The following SLC2A4 variants were observed in gnomAD, a reference collection of about 807,000 sequenced individuals.
The protein encoded by SLC2A4 is solute carrier family 2 member 4.
Under a neutral mutation model 53.3 loss-of-function variants are expected in SLC2A4, and 31 were observed. The ratio of observed to expected loss-of-function variants is 0.58; its 90% CI spans 0.44 to 0.78. SLC2A4 has a LOEUF of 0.78. SLC2A4 is among the 30% of genes least tolerant of loss of function. The pLI, the probability that SLC2A4 is intolerant of heterozygous loss-of-function variation, is 0.00. For synonymous variants in SLC2A4, 276 were observed against 281.9 expected (o/e 0.98, Z 0.21); for missense variants, 538 against 655.7 (o/e 0.82, Z 1.96).
In SLC2A4 at chr17:7,282,956, T is replaced by G; in HGVS notation, c.34-289T>G. The stretch of plus-strand genomic sequence containing the variant: ...GCCAAGGTCACACAAATCTGAGCTC[T>G]TAAGGCCAAGCCTGTCTCAAGGTCA... On this transcript the variant is annotated intron_variant, in intron 1 of 10. Coordinates refer to ENST00000317370, the MANE Select transcript of SLC2A4 (RefSeq NM_001042.3). The surrounding 1 kb of genome is among the most constrained non-coding windows in gnomAD (Gnocchi z 4.1). 2.3e-6 allele frequency: 1 copy of G among 435,406 alleles called. No homozygotes were observed. Among genetic ancestry groups the G allele is most frequent in the South Asian group, 2.1e-5 (1 of 48,258 alleles). The allele number at this position is 435,406 out of a possible 1,614,324, so 27.0% of individuals were successfully genotyped here.
chr17:7,286,992 G>A lies in SLC2A4; in HGVS notation c.*363G>A. 1 of 336,242 alleles carries A rather than the reference G, an allele frequency of 3.0e-6. No homozygotes were observed. Among genetic ancestry groups the A allele is most frequent in the Non-Finnish European group, 5.8e-6 (1 of 172,260 alleles). The allele number at this position is 336,242 out of a possible 1,614,324, so 20.8% of individuals were successfully genotyped here. A position where few individuals can be genotyped will look rare whatever the true frequency, so the allele number is the denominator to read the frequency against. On this transcript the variant is annotated 3_prime_UTR_variant, in exon 11 of 11. Transcript: ENST00000317370. ...GGGAAGACAGGTCTAGACTTTCTCA[G>A]TGGGACAAACCAGAGCAGAGAGCAG...
At position 7,286,514 on chromosome 17, in the gene SLC2A4, G is replaced by A. The variant is rs1005834972; in HGVS notation, c.1415G>A (p.Arg472Gln). Reference sequence around the variant, plus strand: ...ACCTTCTTAAGAGTACCTGAAACTCGAGGCCGGACGTTTGACCAGATCTCA... The same window carrying A: ...ACCTTCTTAAGAGTACCTGAAACTCAAGGCCGGACGTTTGACCAGATCTCA... ...IFTFLRVPET[R>Q]GRTFDQISAA... The change falls in exon 11 of 11, where the codon CGA becomes CAA. Residue 472 changes from arginine to glutamine, a missense_variant. Physicochemically the swap from Arg to Gln is conservative, Grantham distance 43. Transcript: ENST00000317370. 9.3e-6 allele frequency: 15 copies of A among 1,614,006 alleles called. No homozygotes were observed. In the African/African-American group the frequency reaches 9.3e-5, roughly 10 times the overall value.
Position 7,282,131 on chromosome 17 carries a change from A to T in SLC2A4, c.33+164A>T. 2 of 677,812 alleles carry T rather than the reference A, an allele frequency of 3.0e-6. No homozygotes were observed. Among genetic ancestry groups the T allele is most frequent in the Admixed American group, 4.3e-5 (2 of 46,226 alleles). The allele number at this position is 677,812 out of a possible 1,614,324, so 42.0% of individuals were successfully genotyped here. A position where few individuals can be genotyped will look rare whatever the true frequency, so the allele number is the denominator to read the frequency against. On this transcript the variant is annotated intron_variant, in intron 1 of 10. Coordinates refer to ENST00000317370, the MANE Select transcript of SLC2A4 (RefSeq NM_001042.3). The surrounding 1 kb of genome is among the most constrained non-coding windows in gnomAD (Gnocchi z 4.1). ...GGCCTGGACAACCCGTGACTGTGAG[A>T]TTCCAATCCTACCAAAAGGCAGAGT...
Position 7,284,810 on chromosome 17 carries a change from ACTT to A in SLC2A4, c.916-16_916-14del, listed in dbSNP as rs761228732. On this transcript the variant is annotated intron_variant, in intron 7 of 10. Transcript: ENST00000317370. This position sits in a 1 kb window ranked among gnomAD's most constrained non-coding sequence, Gnocchi z 7.5. ...TAGAGGAAGGGGCATTCCTGCCATCACTTCTTCTTCTCCCCCACCTCTAGGTTT... is the reference window on the plus strand; with the variant it reads ...TAGAGGAAGGGGCATTCCTGCCATCACTTCTTCTCCCCCACCTCTAGGTTT... 2.9e-5 allele frequency: 47 copies of A among 1,613,700 alleles called. No homozygotes were observed. In the African/African-American group the frequency reaches 3.5e-4, roughly 12 times the overall value.
chr17:7,286,684 T>C lies in SLC2A4; in HGVS notation c.*55T>C. 1.4e-6 allele frequency: 2 copies of C among 1,440,662 alleles called. No individual in the cohort carries two copies. The highest frequency in any genetic ancestry group is 2.3e-5 in the South Asian group (2 of 87,376). The allele number at this position is 1,440,662 out of a possible 1,614,324, so 89.2% of individuals were successfully genotyped here. ...CTCTCTACCCGGCCCAGAGACCCCTTCCTTTCCTCTGCAGCACTTTAACCC... is the reference window on the plus strand; with the variant it reads ...CTCTCTACCCGGCCCAGAGACCCCTCCCTTTCCTCTGCAGCACTTTAACCC... On this transcript the variant is annotated 3_prime_UTR_variant, in exon 11 of 11. Coordinates refer to ENST00000317370, the MANE Select transcript of SLC2A4 (RefSeq NM_001042.3).
At position 7,287,115 on chromosome 17, in the gene SLC2A4, G is replaced by GGTTCTCTTTTTTTTTTTT. The variant is rs542749322; in HGVS notation, c.*486_*487insGTTCTCTTTTTTTTTTTT. The GGTTCTCTTTTTTTTTTTT allele has an allele frequency of 2.5e-4, 24 of 97,696 alleles. 11 individuals carry two copies. The highest frequency in any genetic ancestry group is 2.2e-4 in the Non-Finnish European group (11 of 49,466). 6.1% of individuals were successfully genotyped at this position (97,696 alleles called of 1,614,324 possible). A position where few individuals can be genotyped will look rare whatever the true frequency, so the allele number is the denominator to read the frequency against. The stretch of plus-strand genomic sequence containing the variant: ...TGCCACGCAGACTCTGGGCAAAGGG[G>GGTTCTCTTTTTTTTTTTT]TTTTTTTTTTTTTTTTTTTTTTTTT... On this transcript the variant is annotated 3_prime_UTR_variant, in exon 11 of 11. Coordinates refer to ENST00000317370, the MANE Select transcript of SLC2A4 (RefSeq NM_001042.3).
At position 7,285,919 on chromosome 17, in the gene SLC2A4, C is replaced by G. The variant is rs377093178; in HGVS notation, c.1326+11C>G. 23 of 1,608,602 alleles carry G rather than the reference C, an allele frequency of 1.4e-5. No individual in the cohort carries two copies. Among genetic ancestry groups the G allele is most frequent in the Non-Finnish European group, 1.8e-5 (21 of 1,175,924 alleles). On this transcript the variant is annotated intron_variant, in intron 10 of 10. Coordinates refer to ENST00000317370, the MANE Select transcript of SLC2A4 (RefSeq NM_001042.3). This position sits in a 1 kb window ranked among gnomAD's most constrained non-coding sequence, Gnocchi z 6.0. The stretch of plus-strand genomic sequence containing the variant: ...TTCCAGTATGTTGCGGTAGGTCCCC[C>G]CGCCCCAGCCTCCCACACCGTAGGC...
At position 7,282,095 on chromosome 17, in the gene SLC2A4, T is replaced by C; in HGVS notation, c.33+128T>C. Reference sequence around the variant, plus strand: ...CAGGGGGTGAAGGTAGGGGGCTGGCTATTTATACCCGGCCTGGACAACCCG... The same window carrying C: ...CAGGGGGTGAAGGTAGGGGGCTGGCCATTTATACCCGGCCTGGACAACCCG... On this transcript the variant is annotated intron_variant, in intron 1 of 10. Coordinates refer to ENST00000317370, the MANE Select transcript of SLC2A4 (RefSeq NM_001042.3). This position sits in a 1 kb window ranked among gnomAD's most constrained non-coding sequence, Gnocchi z 4.1. The C allele has an allele frequency of 1.3e-6, 1 of 793,574 alleles. No homozygotes were observed. The highest frequency in any genetic ancestry group is 2.1e-6 in the Non-Finnish European group (1 of 465,696). The allele number at this position is 793,574 out of a possible 1,614,324, so 49.2% of individuals were successfully genotyped here.
At position 7,287,115 on chromosome 17, in the gene SLC2A4, GTTTTTTTTTTTTTTTTTT is replaced by G. The variant is rs35240617; in HGVS notation, c.*498_*515del. The G allele has an allele frequency of 1.0e-5, 1 of 97,696 alleles. No homozygotes were observed. Among genetic ancestry groups the G allele is most frequent in the Non-Finnish European group, 2.0e-5 (1 of 49,466 alleles). The allele number at this position is 97,696 out of a possible 1,614,324, so 6.1% of individuals were successfully genotyped here. A position where few individuals can be genotyped will look rare whatever the true frequency, so the allele number is the denominator to read the frequency against. ...TGCCACGCAGACTCTGGGCAAAGGG[GTTTTTTTTTTTTTTTTTT>G]TTTTTTTTTTTGAGACAGTCTCGCT... On this transcript the variant is annotated 3_prime_UTR_variant, in exon 11 of 11. Transcript: ENST00000317370.
chr17:7,285,265 G>A lies in SLC2A4; in HGVS notation c.1122+76G>A, dbSNP rs759890582. The A allele has an allele frequency of 1.6e-5, 20 of 1,249,718 alleles. No individual in the cohort carries two copies. Among genetic ancestry groups the A allele is most frequent in the Middle Eastern group, 4.9e-4 (2 of 4,088 alleles). 77.4% of individuals were successfully genotyped at this position (1,249,718 alleles called of 1,614,324 possible). On this transcript the variant is annotated intron_variant, in intron 9 of 10. Transcript: ENST00000317370. The surrounding 1 kb of genome is among the most constrained non-coding windows in gnomAD (Gnocchi z 6.0). ...CCTGTGAGTCTCTGTGACCAGCCAG[G>A]GTCCCTTCTTAACACACATGCTTTC... is the stretch of plus-strand genomic sequence containing the variant.
In SLC2A4 at chr17:7,281,767, C is replaced by T; in HGVS notation, c.-168C>T. 1.4e-6 allele frequency: 1 copy of T among 714,004 alleles called. No individual in the cohort carries two copies. The highest frequency in any genetic ancestry group is 2.5e-6 in the Non-Finnish European group (1 of 397,492). The allele number at this position is 714,004 out of a possible 1,614,324, so 44.2% of individuals were successfully genotyped here. The stretch of plus-strand genomic sequence containing the variant: ...CCAGATCCGCGGGAGCCCCACTGCT[C>T]TCCGGGTCCTTGGCTTGTGGCTGTG... On this transcript the variant is annotated 5_prime_UTR_variant, in exon 1 of 11. Coordinates refer to ENST00000317370, the MANE Select transcript of SLC2A4 (RefSeq NM_001042.3).
chr17:7,282,023 G>T lies in SLC2A4; in HGVS notation c.33+56G>T. The T allele has an allele frequency of 1.3e-6, 2 of 1,490,964 alleles. No individual in the cohort carries two copies. Among genetic ancestry groups the T allele is most frequent in the Admixed American group, 1.8e-5 (1 of 55,410 alleles). 92.4% of individuals were successfully genotyped at this position (1,490,964 alleles called of 1,614,324 possible). ...GGGGCACGGGTCCCGCTTTTCTTGG[G>T]CTGGGGTCGCGGTTGGGGTCAGCTG... On this transcript the variant is annotated intron_variant, in intron 1 of 10. Coordinates refer to ENST00000317370, the MANE Select transcript of SLC2A4 (RefSeq NM_001042.3). This position sits in a 1 kb window ranked among gnomAD's most constrained non-coding sequence, Gnocchi z 4.1.
In SLC2A4 at chr17:7,283,766, C is replaced by G; in HGVS notation, c.352C>G (p.Leu118Val). 6.2e-7 allele frequency: 1 copy of G among 1,614,094 alleles called. No homozygotes were observed. The highest frequency in any genetic ancestry group is 8.5e-7 in the Non-Finnish European group (1 of 1,180,024). ...RKRAMLVNNV[L>V]AVLGGSLMGL... is the part of the protein sequence containing the mutation. ...AAGGGCCATGCTGGTCAACAATGTC[C>G]TGGCGGTGCTGGGGGGCAGCCTCAT... The change falls in exon 4 of 11, where the codon CTG (leucine) becomes GTG (valine). Residue 118 changes from leucine (L) to valine (V), a missense_variant. Transcript: ENST00000317370. The surrounding 1 kb of genome is among the most constrained non-coding windows in gnomAD (Gnocchi z 5.8).
Position 7,282,730 on chromosome 17 carries a change from A to G in SLC2A4, c.34-515A>G, listed in dbSNP as rs2072413144. Among the ~76,000 whole-genome samples, 1 of 152,260 alleles carries G rather than the reference A, an allele frequency of 6.6e-6. No homozygotes were observed. The highest frequency in any genetic ancestry group is 1.9e-4 in the East Asian group (1 of 5,202). ...GTTGGGGGCCTCCTGGAGCTGGCTG[A>G]CAGAACCCCCAGAGGGGAGGGAAGA... On this transcript the variant is annotated intron_variant, in intron 1 of 10. Transcript: ENST00000317370. The surrounding 1 kb of genome is among the most constrained non-coding windows in gnomAD (Gnocchi z 4.1).
chr17:7,283,168 T>TAG lies in SLC2A4; in HGVS notation c.34-77_34-76insAG. ...GAGCCCAGTATCTTCAGGCTCCAGC[T>TAG]GGGCCCGGGCCCCTAGCGGAAGGAA... On this transcript the variant is annotated intron_variant, in intron 1 of 10. Transcript: ENST00000317370. This position sits in a 1 kb window ranked among gnomAD's most constrained non-coding sequence, Gnocchi z 5.8. 8.6e-7 allele frequency: 1 copy of TAG among 1,167,512 alleles called. No homozygotes were observed. Among genetic ancestry groups the TAG allele is most frequent in the Non-Finnish European group, 1.3e-6 (1 of 773,550 alleles). 72.3% of individuals were successfully genotyped at this position (1,167,512 alleles called of 1,614,324 possible). A position where few individuals can be genotyped will look rare whatever the true frequency, so the allele number is the denominator to read the frequency against.
At chr17:7,286,324 T>TC in intron 10 of SLC2A4, 102 bp from the exon 11 acceptor site, 6 of 915,296 alleles carry the variant, frequency 6.6e-6, no homozygotes, top group South Asian at 6.5e-5. Flanking sequence ...CTGTCTGCCG[T>TC]CCCCCCAGCT....
Position 7,283,225 on chromosome 17 carries a change from C to T in SLC2A4, c.34-20C>T, listed in dbSNP as rs201878149. 1,636 of 1,594,472 alleles carry T rather than the reference C, an allele frequency of 1.0e-3. 24 individuals carry two copies. In the South Asian group the frequency reaches 0.017, roughly 17 times the overall value. On this transcript the variant is annotated intron_variant, in intron 1 of 10. Coordinates refer to ENST00000317370, the MANE Select transcript of SLC2A4 (RefSeq NM_001042.3). The surrounding 1 kb of genome is among the most constrained non-coding windows in gnomAD (Gnocchi z 5.8). ...CATGGTTCCATGTGACATGCTGTGT[C>T]TTTGTGTCTGCCTGTTCAGGATGGG...
rs2143005186 is a variant in SLC2A4, at chr17:7,286,984, C to T, written c.*355C>T. The stretch of plus-strand genomic sequence containing the variant: ...GGATTGGAGGGAAGACAGGTCTAGA[C>T]TTTCTCAGTGGGACAAACCAGAGCA... On this transcript the variant is annotated 3_prime_UTR_variant, in exon 11 of 11. Coordinates refer to ENST00000317370, the MANE Select transcript of SLC2A4 (RefSeq NM_001042.3). 1 of 346,740 alleles carries T rather than the reference C, an allele frequency of 2.9e-6. No individual in the cohort carries two copies. Among genetic ancestry groups the T allele is most frequent in the African/African-American group, 2.1e-5 (1 of 47,098 alleles). 21.5% of individuals were successfully genotyped at this position (346,740 alleles called of 1,614,324 possible). A position where few individuals can be genotyped will look rare whatever the true frequency, so the allele number is the denominator to read the frequency against.
chr17:7,286,181 A>T, intron 10 of SLC2A4: 1 of 630,758 alleles, frequency 1.6e-6, no homozygotes, highest in Non-Finnish European at 2.8e-6. Flanking sequence ...AACAGCTGGG[A>T]CTCTCCTCTG....
Sources: allele counts gnomAD v4.1 joint callset (sites outside exome capture counted in the v4.1 genomes callset), GRCh38; gene constraint gnomAD v4.1.1; non-coding constraint Gnocchi (gnomAD v3.1); transcripts MANE v1.5; gene names NCBI Gene and HGNC (gene_info 2026-07-23, HGNC 2026-07-21).